The following MACROD1 variants were observed in gnomAD, a reference collection of about 807,000 sequenced individuals.
The protein encoded by MACROD1 is mono-ADP ribosylhydrolase 1.
In MACROD1, 31 loss-of-function variants were observed where a neutral mutation model predicts 41.4. The observed-to-expected ratio is 0.75, with a 90% CI of 0.56 to 1.01. The LOEUF is 1.01. Among genes scored for constraint, MACROD1 ranks in the 50% least tolerant of loss-of-function variants. The pLI is 0.00. For synonymous variants in MACROD1, 252 were observed against 203.4 expected, an observed-to-expected ratio of 1.24 and a Z score of -2.03; for missense variants, 473 against 460.0, an observed-to-expected ratio of 1.03 and a Z score of -0.26.
chr11:64,157,602 A>G (rs1055381393), intron 1 of MACROD1, among the ~76,000 whole-genome samples: 1 of 152,194 alleles, frequency 6.6e-6, no homozygotes, highest in Admixed American at 6.6e-5. Flanking sequence ...GAGAGGCCTG[A>G]CCCCAGACGA....
intron 3 of MACROD1, among the ~76,000 whole-genome samples, chr11:64,091,204 G>A (rs1396939319): frequency 6.6e-6 from 1 of 151,988 alleles, no homozygotes; most frequent in African/African-American, 2.4e-5. Flanking sequence ...CAAGGGAAGT[G>A]GGCAGTGGCA....
intron 3 of MACROD1, among the ~76,000 whole-genome samples, chr11:64,149,204 C>A (rs192671183): frequency 6.6e-6 from 1 of 152,254 alleles, no homozygotes; most frequent in Non-Finnish European, 1.5e-5. Flanking sequence ...AGCACCAGTG[C>A]GAGGTGCTGA....
intron 3 of MACROD1, among the ~76,000 whole-genome samples, chr11:64,023,024 G>A (rs1187952): frequency 0.29 from 44,522 of 151,696 alleles, 8,219 homozygotes; most frequent in Non-Finnish European, 0.41. Context: ...ACCACGCCGG[G>A]CTAATTTTGC....
At chr11:64,062,085 TG>T (rs900243517) in intron 3 of MACROD1, among the ~76,000 whole-genome samples, 1 of 151,640 alleles carries the variant, frequency 6.6e-6, no homozygotes, top group Non-Finnish European at 1.5e-5. Flanking sequence ...CTTCTCTGCC[TG>T]GGGGATGTCT....
rs61731568 is a variant in MACROD1, at chr11:64,116,724, C to T, written c.517+34515G>A. 3,938 of 1,613,754 alleles carry T rather than the reference C, an allele frequency of 2.4e-3. 69 individuals are homozygous for T. The African/African-American group carries it at 0.047, about 19-fold the overall frequency. ...GGACTCGCTGGCCCGCATCCCGCTG[C>T]TGGAGAAGCTGCACCTGGATGACAA... On this transcript the variant is annotated intron_variant, in intron 3 of 10. Transcript: ENST00000255681.
chr11:64,114,298 GGATT>G (rs1407058968), intron 3 of MACROD1, among the ~76,000 whole-genome samples: 4 of 150,774 alleles, frequency 2.7e-5, no homozygotes, highest in Non-Finnish European at 4.4e-5. Context: ...GTGGATGCAT[GGATT>G]GATACATGGA....
chr11:64,052,938 G>A (rs528835928), intron 3 of MACROD1, among the ~76,000 whole-genome samples: 4 of 152,312 alleles, frequency 2.6e-5, no homozygotes, highest in Middle Eastern at 3.4e-3. Flanking sequence ...TTGGCCTCAC[G>A]GTCAGGGCCA....
intron 3 of MACROD1, among the ~76,000 whole-genome samples, chr11:64,052,646 G>C (rs1351874601): frequency 2.0e-5 from 3 of 152,222 alleles, no homozygotes; most frequent in Admixed American, 6.5e-5. Flanking sequence ...CCACCTGGGA[G>C]GGCAACTGAC....
intron 3 of MACROD1, among the ~76,000 whole-genome samples, chr11:64,041,093 G>A (rs547085708): frequency 3.9e-4 from 59 of 150,110 alleles, no homozygotes; most frequent in African/African-American, 1.4e-3. Context: ...TCCTGCCCGC[G>A]TCACTCTCCA....
intron 3 of MACROD1, among the ~76,000 whole-genome samples, chr11:64,032,625 G>C (rs533236589): frequency 3.3e-5 from 5 of 152,228 alleles, no homozygotes; most frequent in East Asian, 1.9e-4. Flanking sequence ...CAGGTGACTT[G>C]AGCTGCCCTT....
At chr11:64,156,195 C>T (rs1029153218) in intron 1 of MACROD1, among the ~76,000 whole-genome samples, 1 of 151,810 alleles carries the variant, frequency 6.6e-6, no homozygotes, top group East Asian at 1.9e-4. Flanking sequence ...GCAGGAGGAT[C>T]GCTTCAGCCT....
At chr11:64,035,743 C>T (rs1943364827) in intron 3 of MACROD1, among the ~76,000 whole-genome samples, 1 of 5,692 alleles carries the variant, frequency 1.8e-4, no homozygotes, top group Non-Finnish European at 4.2e-4. Context: ...CTCCTCCTCT[C>T]CCTCCCCGCT....
Position 64,032,389 on chromosome 11 carries a change from A to T in MACROD1, c.518-17108T>A, listed in dbSNP as rs183041442. 3.9e-5 allele frequency among the ~76,000 whole-genome samples: 6 copies of T among 152,298 alleles called. No individual in the cohort carries two copies. In the East Asian group the frequency reaches 1.2e-3, roughly 29 times the overall value. ...GCACAGCAAGGCTGGGATGGTGCCC[A>T]GGGCCGATGGCTGGTGAGTTGCAGG... is the stretch of plus-strand genomic sequence containing the variant. On this transcript the variant is annotated intron_variant, in intron 3 of 10. Coordinates refer to ENST00000255681, the MANE Select transcript of MACROD1 (RefSeq NM_014067.4).
intron 3 of MACROD1, among the ~76,000 whole-genome samples, chr11:64,059,178 A>G (rs924349338): frequency 6.6e-6 from 1 of 151,952 alleles, no homozygotes; most frequent in African/African-American, 2.4e-5. Context: ...AGACTTGGGG[A>G]GCAGTAGGAG....
intron 3 of MACROD1, among the ~76,000 whole-genome samples, chr11:64,134,040 G>C (rs760279975): frequency 9.9e-5 from 15 of 152,208 alleles, no homozygotes; most frequent in Admixed American, 2.0e-4. Flanking sequence ...AAAGCCCAAA[G>C]TCACCCAACC....
At position 63,998,982 on chromosome 11, in the gene MACROD1, T is replaced by C. The variant is rs1456035093; in HGVS notation, c.946A>G (p.Ser316Gly). The change falls in exon 9 of 11, where the codon AGC (serine) becomes GGC (glycine). Residue 316 changes from serine to glycine, a missense_variant. Ser to Gly is a moderately conservative substitution (Grantham distance 56). Transcript: ENST00000255681. ...FLEKDEDIYRSRLPHYFPVA is the reference protein window; with the variant it reads ...FLEKDEDIYRGRLPHYFPVA ...ACGGGGAAGTAGTGGGGGAGCCGGC[T>C]CCGGTAGATGTCCTCGTCCTTCTCG... 4.4e-6 allele frequency: 7 copies of C among 1,607,244 alleles called. No homozygotes were observed. The Admixed American group carries it at 6.7e-5, about 15-fold the overall frequency.
chr11:64,047,487 G>C (rs1943606980), intron 3 of MACROD1, among the ~76,000 whole-genome samples: 1 of 152,144 alleles, frequency 6.6e-6, no homozygotes, highest in Admixed American at 6.5e-5. Context: ...GACCAGCTTG[G>C]CATTCCCTGA....
rs191265351 is a variant in MACROD1 at position 64,158,853 on chromosome 11, G to C, written c.299-6460C>G. On this transcript the variant is annotated intron_variant, in intron 1 of 10. Coordinates refer to ENST00000255681, the MANE Select transcript of MACROD1 (RefSeq NM_014067.4). ...GATCTTCTGATGAAAAGGCACTCCCGGGGGGATAAAGAAGTGCCTCAAAAC... is the reference window on the plus strand; with the variant it reads ...GATCTTCTGATGAAAAGGCACTCCCCGGGGGATAAAGAAGTGCCTCAAAAC... Among the ~76,000 whole-genome samples the C allele has an allele frequency of 2.6e-5, 4 of 152,052 alleles. No homozygotes were observed. The South Asian group carries it at 8.3e-4, about 32-fold the overall frequency.
chr11:64,028,572 C>T (rs1048765090), intron 3 of MACROD1, among the ~76,000 whole-genome samples: 1 of 152,226 alleles, frequency 6.6e-6, no homozygotes, highest in Non-Finnish European at 1.5e-5. Context: ...CTCCGCGGCC[C>T]AGCCTTTCTG....
Sources: gnomAD v4.1 joint callset for allele counts (sites outside exome capture counted in the v4.1 genomes callset) on GRCh38, gnomAD v4.1.1 for gene constraint, MANE v1.5 for transcripts, NCBI Gene and HGNC (gene_info 2026-07-23, HGNC 2026-07-21) for gene names.